Variants in BACH2 observed in about 807,000 individuals in gnomAD.
The protein encoded by BACH2 is BACH transcriptional regulator 2, also known as transcription regulator protein BACH2.
BACH2 carries 5 observed loss-of-function variants against 61.8 expected under a neutral mutation model. That is an observed-to-expected ratio of 0.08 (90% CI 0.04 to 0.17). BACH2 has a LOEUF of 0.17. Ranked by LOEUF, BACH2 falls within the 10% of genes least tolerant of loss-of-function variation. The pLI is 1.00. For missense variants in BACH2, 824 were observed against 1,091.1 expected (o/e 0.76, Z 3.45); for synonymous variants, 446 against 440.1 (o/e 1.01, Z -0.17).
chr6:90,156,307 A>G (rs970591466), intron 4 of BACH2, among the ~76,000 whole-genome samples: 6 of 152,222 alleles, frequency 3.9e-5, no homozygotes, highest in African/African-American at 1.4e-4. Flanking sequence ...CTTTCATAAC[A>G]ACCCCTGTAG....
chr6:89,972,921 C>T (rs1213429259), intron 6 of BACH2, among the ~76,000 whole-genome samples: 1 of 152,000 alleles, frequency 6.6e-6, no homozygotes, highest in Non-Finnish European at 1.5e-5. Flanking sequence ...AAACCCGTCT[C>T]TACTAAAAAT....
chr6:90,221,194 G>A (rs1371022507), intron 3 of BACH2, among the ~76,000 whole-genome samples: 2 of 152,114 alleles, frequency 1.3e-5, no homozygotes, highest in Non-Finnish European at 1.5e-5. Flanking sequence ...AAGCAAGATA[G>A]GTAAAAAGCA....
At chr6:89,990,532 T>C (rs1776487228) in intron 6 of BACH2, among the ~76,000 whole-genome samples, 1 of 152,122 alleles carries the variant, frequency 6.6e-6, no homozygotes, top group South Asian at 2.1e-4. Context: ...GCTTTTTTTT[T>C]TCTTTATTTC....
chr6:90,111,945 G>T (rs1299426471), intron 4 of BACH2, among the ~76,000 whole-genome samples: 1 of 152,234 alleles, frequency 6.6e-6, no homozygotes, highest in Non-Finnish European at 1.5e-5. Flanking sequence ...AGGATACCAT[G>T]CAGGAAAGCT....
intron 4 of BACH2, among the ~76,000 whole-genome samples, chr6:90,108,183 C>A (rs1260231405): frequency 1.3e-5 from 2 of 152,130 alleles, no homozygotes; most frequent in Non-Finnish European, 2.9e-5. Context: ...CACCCCCTCA[C>A]CTGGGAGATG....
At chr6:90,020,875 A>G (rs551606390) in intron 5 of BACH2, among the ~76,000 whole-genome samples, 21 of 152,304 alleles carry the variant, frequency 1.4e-4, no homozygotes, top group African/African-American at 4.8e-5. Flanking sequence ...GAGTAACAGA[A>G]CCCAGAATAG....
chr6:89,975,634 C>T (rs1350055031), intron 6 of BACH2, among the ~76,000 whole-genome samples: 1 of 152,186 alleles, frequency 6.6e-6, no homozygotes, highest in African/African-American at 2.4e-5. Flanking sequence ...TTACAAACTA[C>T]TTGTTAAATA....
At chr6:89,944,903 A>G (rs1224719431) in intron 7 of BACH2, among the ~76,000 whole-genome samples, 1 of 152,230 alleles carries the variant, frequency 6.6e-6, no homozygotes, top group African/African-American at 2.4e-5. Flanking sequence ...ACTACTTTGG[A>G]AAATGACTGT....
chr6:90,240,392 A>G (rs1432690578), intron 3 of BACH2, among the ~76,000 whole-genome samples: 1 of 152,218 alleles, frequency 6.6e-6, no homozygotes, highest in Non-Finnish European at 1.5e-5. Flanking sequence ...TTAAATATGA[A>G]TTTTAATATA....
Position 89,986,219 on chromosome 6 carries a change from GT to G in BACH2, c.243+22382del, listed in dbSNP as rs111985387. Among the ~76,000 whole-genome samples the G allele has an allele frequency of 3.5e-3, 485 of 140,302 alleles. 2 individuals are homozygous for G. Among genetic ancestry groups the G allele is most frequent in the African/African-American group, 9.2e-3 (350 of 38,088 alleles). 92.0% of individuals were successfully genotyped at this position (140,302 alleles called of 152,430 possible). On this transcript the variant is annotated intron_variant, in intron 6 of 8. Transcript: ENST00000257749. ...TTTCGGTATGTGTGTTAAAGTCTGAGTTTTTTTTTTTTTTTTCCTGTGGGGT... is the reference window on the plus strand; with the variant it reads ...TTTCGGTATGTGTGTTAAAGTCTGAGTTTTTTTTTTTTTTTCCTGTGGGGT...
chr6:90,159,687 T>C (rs1163006713), intron 4 of BACH2, among the ~76,000 whole-genome samples: 3 of 152,140 alleles, frequency 2.0e-5, no homozygotes, highest in Non-Finnish European at 4.4e-5. Context: ...TGAGAGCCCA[T>C]AGCTATTGTG....
chr6:90,037,133 C>T (rs1163893842), intron 5 of BACH2, among the ~76,000 whole-genome samples: 3 of 152,034 alleles, frequency 2.0e-5, no homozygotes, highest in African/African-American at 7.2e-5. Context: ...TTTAGATGCA[C>T]AACCAAAAGG....
At chr6:89,996,670 G>C (rs1263740729) in intron 6 of BACH2, among the ~76,000 whole-genome samples, 1 of 152,012 alleles carries the variant, frequency 6.6e-6, no homozygotes, top group Admixed American at 6.6e-5. Flanking sequence ...CCATCCTGTG[G>C]GTGTTGATTT....
At chr6:90,116,975 G>T in intron 4 of BACH2, 1 of 373,610 alleles carries the variant, frequency 2.7e-6, no homozygotes, top group African/African-American at 2.1e-5. Context: ...TGATAGACAT[G>T]GGTTGCTCCT....
chr6:90,281,199 T>C (rs1052277355), intron 1 of BACH2, among the ~76,000 whole-genome samples: 4 of 152,240 alleles, frequency 2.6e-5, no homozygotes, highest in Non-Finnish European at 4.4e-5. Context: ...AGAATCACAC[T>C]GCACTGGTGG....
chr6:90,012,814 T>C (rs888840727), intron 5 of BACH2, among the ~76,000 whole-genome samples: 11 of 151,816 alleles, frequency 7.2e-5, no homozygotes, highest in African/African-American at 2.7e-4. Flanking sequence ...TAAAGAGGCA[T>C]GTGCCACCGT....
At chr6:90,273,739 TG>T (rs1279392172) in intron 1 of BACH2, among the ~76,000 whole-genome samples, 1 of 152,138 alleles carries the variant, frequency 6.6e-6, no homozygotes, top group Non-Finnish European at 1.5e-5. Context: ...ATTTACTAGA[TG>T]TCCCTAAATC....
chr6:90,054,542 G>A (rs1053734554), intron 5 of BACH2, among the ~76,000 whole-genome samples: 1 of 152,222 alleles, frequency 6.6e-6, no homozygotes, highest in African/African-American at 2.4e-5. Context: ...CTCCACCTCT[G>A]GGGGCAGGGC....
At chr6:90,017,238 T>G (rs1778117235) in intron 5 of BACH2, among the ~76,000 whole-genome samples, 1 of 151,988 alleles carries the variant, frequency 6.6e-6, no homozygotes, top group Non-Finnish European at 1.5e-5. Context: ...TTACATTGGA[T>G]AGTTTCTTTT....
Sources: allele counts gnomAD v4.1 joint callset (sites outside exome capture counted in the v4.1 genomes callset), GRCh38; gene constraint gnomAD v4.1.1; transcripts MANE v1.5; gene names NCBI Gene and HGNC (gene_info 2026-07-23, HGNC 2026-07-21).